ATP13A2: variants seen among roughly 807,000 people sequenced by gnomAD.
The protein encoded by ATP13A2 is ATPase cation transporting 13A2.
A neutral mutation model predicts 138.3 loss-of-function variants in ATP13A2; 83 were observed. That is an observed-to-expected ratio of 0.60 (90% CI 0.50 to 0.72). The LOEUF (loss-of-function observed/expected upper bound fraction) is 0.72, where lower values mean the gene tolerates loss of function less well. Among genes scored for constraint, ATP13A2 ranks in the 30% least tolerant of loss-of-function variants. ATP13A2 has a pLI of 0.00. For synonymous variants in ATP13A2, 663 were observed against 699.0 expected (o/e 0.95, Z 0.81); for missense variants, 1,402 against 1,606.4 (o/e 0.87, Z 2.17).
Position 17,011,794 on chromosome 1 carries a change from C to G in ATP13A2, c.-56G>C. 3.8e-6 allele frequency: 5 copies of G among 1,326,308 alleles called. No homozygotes were observed. The highest frequency in any genetic ancestry group is 4.8e-6 in the Non-Finnish European group (5 of 1,037,540). The allele number at this position is 1,326,308 out of a possible 1,614,324, so 82.2% of individuals were successfully genotyped here. On this transcript the variant is annotated 5_prime_UTR_variant, in exon 1 of 29. Coordinates refer to ENST00000326735, the MANE Select transcript of ATP13A2 (RefSeq NM_022089.4). The surrounding 1 kb of genome is among the most constrained non-coding windows in gnomAD (Gnocchi z 7.3). ...GCGCTGCGGCCCTCGGCCTGGGCCC[C>G]GGCGTGCGCAAGGCCCTGGGCGGGG...
At chr1:16,990,465 T>C (rs980026377) in intron 20 of ATP13A2, among the ~76,000 whole-genome samples, 178 bp from the exon 21 acceptor site, 1 of 152,230 alleles carries the variant, frequency 6.6e-6, no homozygotes, top group African/African-American at 2.4e-5. Flanking sequence ...GATCCAGGCA[T>C]TGAAGGGTCT....
chr1:16,992,781 T>C (rs1420618749), intron 16 of ATP13A2, among the ~76,000 whole-genome samples, 200 bp from the exon 17 acceptor site: 1 of 152,222 alleles, frequency 6.6e-6, no homozygotes, highest in Non-Finnish European at 1.5e-5. Flanking sequence ...TCACTCCAAA[T>C]CTCCCAGCCT....
chr1:16,992,629 G>C (rs763383476), intron 16 of ATP13A2, 48 bp from the exon 17 acceptor site: 9 of 1,591,374 alleles, frequency 5.7e-6, no homozygotes, highest in Non-Finnish European at 7.8e-6. Flanking sequence ...TTGGCTCACA[G>C]AGAGATTTGA....
Position 16,996,035 on chromosome 1 carries a change from AGAAAAT to A in ATP13A2, c.1477_1482del (p.Ile493_Phe494del). The A allele has an allele frequency of 6.2e-7, 1 of 1,614,134 alleles. No individual in the cohort carries two copies. The highest frequency in any genetic ancestry group is 8.5e-7 in the Non-Finnish European group (1 of 1,180,044). On this transcript the variant is annotated inframe_deletion, in exon 15 of 29. Coordinates refer to ENST00000326735, the MANE Select transcript of ATP13A2 (RefSeq NM_022089.4). Reference sequence around the variant, plus strand: ...AGGTTGATGCGCAGTGGGTGGATGCAGAAAATGCCCTGTCTCCGCAGTCGGCTCTGG... The same window carrying A: ...AGGTTGATGCGCAGTGGGTGGATGCAGCCCTGTCTCCGCAGTCGGCTCTGG...
chr1:16,988,554 C>T (rs2076816262), intron 23 of ATP13A2, 80 bp from the exon 24 acceptor site: 1 of 1,595,582 alleles, frequency 6.3e-7, no homozygotes, highest in Non-Finnish European at 8.6e-7. Context: ...ATGATGACAG[C>T]TGGGCCCCTA....
chr1:17,005,860 C>T (rs761912492), intron 1 of ATP13A2, 82 bp from the exon 2 acceptor site: 30 of 1,373,092 alleles, frequency 2.2e-5, no homozygotes, highest in Non-Finnish European at 2.8e-5. Context: ...TCAGCCTGGG[C>T]GCGGTGGCTC....
chr1:17,002,314 A>T lies in ATP13A2; in HGVS notation c.617T>A (p.Leu206His). ...CACTGACCTCACCATTTGGTCCTGG[A>T]GGCTGAGGCCATGGCGGGAGCGGTG... ...DVHRSRHGLS[L>H]QDQMVRKAIY... The change falls in exon 7 of 29, where the codon CTC (leucine) becomes CAC (histidine). Residue 206 changes from leucine (L) to histidine (H), a missense_variant. Coordinates refer to ENST00000326735, the MANE Select transcript of ATP13A2 (RefSeq NM_022089.4). 1 of 1,613,728 alleles carries T rather than the reference A, an allele frequency of 6.2e-7. No individual in the cohort carries two copies. The highest frequency in any genetic ancestry group is 1.7e-5 in the Admixed American group (1 of 59,962).
rs1330768990 is a variant in ATP13A2, at chr1:16,997,139, T to G, written c.1076A>C (p.Glu359Ala). 6 of 1,613,552 alleles carry G rather than the reference T, an allele frequency of 3.7e-6. No homozygotes were observed. The highest frequency in any genetic ancestry group is 5.1e-6 in the Non-Finnish European group (6 of 1,180,028). Residue 359 changes from glutamate to alanine, a missense_variant, in exon 12 of 29, where the codon GAG (glutamate) becomes GCG (alanine). Coordinates refer to ENST00000326735, the MANE Select transcript of ATP13A2 (RefSeq NM_022089.4). ...CTCTGCACAGTAGGGCCCCAGCCCC[T>G]CCGGCAGTGCCGTCTTCAGCACTGG... ...SIPVLKTALPEGLGPYCAETH... is the reference protein window; with the variant it reads ...SIPVLKTALPAGLGPYCAETH...
In ATP13A2 at chr1:17,011,888, C is replaced by CGGGGCACCT; in HGVS notation, c.-159_-151dup. On this transcript the variant is annotated 5_prime_UTR_variant, in exon 1 of 29. Transcript: ENST00000326735. This position sits in a 1 kb window ranked among gnomAD's most constrained non-coding sequence, Gnocchi z 7.3. ...GGGGCTGGAGCAGGGCTGACGCGGG[C>CGGGGCACCT]GGGGCACCTGGGCCACCAGGCTCGG... is the stretch of plus-strand genomic sequence containing the variant. The CGGGGCACCT allele has an allele frequency of 1.4e-6, 1 of 711,846 alleles. No individual in the cohort carries two copies. The highest frequency in any genetic ancestry group is 1.7e-6 in the Non-Finnish European group (1 of 573,904). The allele number at this position is 711,846 out of a possible 1,614,324, so 44.1% of individuals were successfully genotyped here.
In ATP13A2 at chr1:17,002,048, G is replaced by A; in HGVS notation, c.691C>T (p.Leu231=). 6.2e-7 allele frequency: 1 copy of A among 1,612,540 alleles called. No homozygotes were observed. Among genetic ancestry groups the A allele is most frequent in the Non-Finnish European group, 8.5e-7 (1 of 1,179,164 alleles). ...GACAGCCCTACCTCGTCCACCAGCA[G>A]CTGGGGGTAGGACTTGACCGGTATG... is the stretch of plus-strand genomic sequence containing the variant. ...ISIPVKSYPQ[L]LVDEALNPYY... is the part of the protein sequence containing the mutation. Residue 231 remains leucine, a synonymous_variant, in exon 8 of 29, where the codon CTG becomes TTG. Transcript: ENST00000326735.
At chr1:17,006,837 C>T (rs1335018359) in intron 1 of ATP13A2, among the ~76,000 whole-genome samples, 2 of 152,158 alleles carry the variant, frequency 1.3e-5, no homozygotes, top group Non-Finnish European at 2.9e-5. Context: ...GCAGGCCTAT[C>T]TTTACAGATG....
chr1:17,000,194 G>GACC, intron 10 of ATP13A2, 52 bp from the exon 11 acceptor site: 86 of 1,570,232 alleles, frequency 5.5e-5, no homozygotes, highest in South Asian at 2.6e-4. Context: ...CCCCAGCCAT[G>GACC]CCCCCCCACC....
intron 1 of ATP13A2, among the ~76,000 whole-genome samples, chr1:17,010,951 C>T (rs1329188677): frequency 1.3e-5 from 2 of 152,146 alleles, no homozygotes; most frequent in African/African-American, 4.8e-5. Flanking sequence ...ACCATCTTCC[C>T]ATCTTTGGAT....
intron 15 of ATP13A2, 111 bp from the exon 16 acceptor site, chr1:16,993,946 C>A: frequency 2.2e-6 from 2 of 892,358 alleles, no homozygotes; most frequent in Non-Finnish European, 3.4e-6. Context: ...CCCAGGAACT[C>A]GAGCTGGAGC....
chr1:16,996,088 A>G lies in ATP13A2; in HGVS notation c.1430T>C (p.Met477Thr). The change falls in exon 15 of 29, where the codon ATG becomes ACG. Residue 477 changes from methionine (M) to threonine (T), a missense_variant. Met to Thr is a moderately conservative substitution (Grantham distance 81). Coordinates refer to ENST00000326735, the MANE Select transcript of ATP13A2 (RefSeq NM_022089.4). ...VVVPPALPAA[M>T]TVCTLYAQSR... ...CTGGGCGTAGAGCGTGCACACAGTC[A>G]TGGCAGCAGGCAGGGCAGGTGGCAC... The G allele has an allele frequency of 1.9e-6, 3 of 1,614,106 alleles. No homozygotes were observed. The highest frequency in any genetic ancestry group is 1.7e-6 in the Non-Finnish European group (2 of 1,180,034).
chr1:16,995,814 G>A lies in ATP13A2; in HGVS notation c.1542+162C>T. ...TCATCTGCCAGACCGTGAGCCCAGT[G>A]AGGGCAGGAGTGGGATGGGGTGGAT... On this transcript the variant is annotated intron_variant, in intron 15 of 28. Coordinates refer to ENST00000326735, the MANE Select transcript of ATP13A2 (RefSeq NM_022089.4). The surrounding 1 kb of genome is among the most constrained non-coding windows in gnomAD (Gnocchi z 4.1). 1.2e-6 allele frequency: 1 copy of A among 850,008 alleles called. No homozygotes were observed. The highest frequency in any genetic ancestry group is 1.9e-6 in the Non-Finnish European group (1 of 520,540). 52.7% of individuals were successfully genotyped at this position (850,008 alleles called of 1,614,324 possible). A position where few individuals can be genotyped will look rare whatever the true frequency, so the allele number is the denominator to read the frequency against.
rs1026906827 is a variant in ATP13A2, at chr1:16,987,251, C to G, written c.2878G>C (p.Asp960His). The change falls in exon 26 of 29, where the codon GAC becomes CAC. Residue 960 changes from aspartate (D) to histidine (H), a missense_variant. By Grantham distance (81) the Asp-to-His change is moderately conservative. Coordinates refer to ENST00000326735, the MANE Select transcript of ATP13A2 (RefSeq NM_022089.4). The stretch of plus-strand genomic sequence containing the variant: ...AGGTCGATGGCCAGGAACTGCAGGT[C>G]ACCCAGGTTGGTGTTGATCTGCCAC... ...ILYTINTNLG[D>H]LQFLAIDLVI... The G allele has an allele frequency of 6.2e-7, 1 of 1,613,810 alleles. No individual in the cohort carries two copies. The highest frequency in any genetic ancestry group is 1.3e-5 in the African/African-American group (1 of 75,020).
intron 25 of ATP13A2, 121 bp from the exon 26 acceptor site, chr1:16,987,390 T>C (rs1296612429): frequency 2.1e-6 from 2 of 944,558 alleles, no homozygotes; most frequent in African/African-American, 1.6e-5. Context: ...TCCCCCAGTC[T>C]AATGGGGGCC....
chr1:16,994,864 A>G (rs541111960), intron 15 of ATP13A2, among the ~76,000 whole-genome samples: 2 of 151,910 alleles, frequency 1.3e-5, no homozygotes, highest in East Asian at 3.9e-4. Context: ...GGGTTTCACC[A>G]TATTGGCCAG....
Sources: allele counts gnomAD v4.1 joint callset (sites outside exome capture counted in the v4.1 genomes callset), GRCh38; gene constraint gnomAD v4.1.1; non-coding constraint Gnocchi (gnomAD v3.1); transcripts MANE v1.5; gene names NCBI Gene and HGNC (gene_info 2026-07-23, HGNC 2026-07-21).